The following CIDEB variants were observed in gnomAD, a reference collection of about 807,000 sequenced individuals.
CIDEB encodes cell death inducing DFFA like effector b.
Under a neutral mutation model 22.4 loss-of-function variants are expected in CIDEB, and 27 were observed. The ratio of observed to expected loss-of-function variants is 1.21; its 90% CI spans 0.89 to 1.66. The LOEUF is 1.66. Ranked by LOEUF, CIDEB falls within the 40% of genes most tolerant of loss-of-function variation. CIDEB has a pLI of 0.00. For missense variants in CIDEB, 289 were observed against 268.7 expected, an observed-to-expected ratio of 1.08 and a Z score of -0.53; for synonymous variants, 103 against 109.5, an observed-to-expected ratio of 0.94 and a Z score of 0.37.
At chr14:24,310,401 G>T, upstream of CIDEB, 1 of 635,046 alleles carries the variant, frequency 1.6e-6, no homozygotes, top group Non-Finnish European at 2.8e-6. Context: ...CTTTATGCCT[G>T]TTTACCACTG....
upstream of CIDEB, chr14:24,311,093 G>C: frequency 6.4e-7 from 1 of 1,563,024 alleles, no homozygotes; most frequent in Non-Finnish European, 8.6e-7. Context: ...GCCTGCTGCT[G>C]GCGGTCTGGC....
chr14:24,310,649 C>G (rs781566886), upstream of CIDEB: 8 of 1,613,992 alleles, frequency 5.0e-6, no homozygotes, highest in Middle Eastern at 1.7e-4. Flanking sequence ...TTCCACCCAC[C>G]TGTAGGCCCA....
chr14:24,305,754 C>A lies in CIDEB; in HGVS notation c.539G>T (p.Arg180Leu), dbSNP rs368449983. The A allele has an allele frequency of 1.9e-6, 3 of 1,613,186 alleles. No individual in the cohort carries two copies. The African/African-American group carries it at 4.0e-5, about 22-fold the overall frequency. ...GCCTTGCAGCAGTGTGGAGGTCCAA[C>A]GAAGGAGCTCCCTGAATGGCAGAGA... ...GPKKVLRELL[R>L]WTSTLLQGLG... is the part of the protein sequence containing the mutation. The change falls in exon 5 of 5, where the codon CGT becomes CTT. Residue 180 changes from arginine (R) to leucine (L), a missense_variant. By Grantham distance (102) the Arg-to-Leu change is moderately radical (BLOSUM62 -2). Transcript: ENST00000554411.
chr14:24,310,370 A>G, upstream of CIDEB: 2 of 609,322 alleles, frequency 3.3e-6, no homozygotes, highest in Non-Finnish European at 5.8e-6. Flanking sequence ...TGGTAGAGAT[A>G]GTGACAGCCT....
chr14:24,310,635 C>T (rs1472080245), upstream of CIDEB: 30 of 1,611,104 alleles, frequency 1.9e-5, no homozygotes, highest in Non-Finnish European at 2.3e-5. Flanking sequence ...CCCTCTGTGG[C>T]GCCTTCCACC....
At chr14:24,310,763 G>A (rs560159331), upstream of CIDEB, 39 of 1,609,384 alleles carry the variant, frequency 2.4e-5, no homozygotes, top group Non-Finnish European at 3.2e-5. Flanking sequence ...CGGCGCTGCT[G>A]GGGCTGCCTG....
At chr14:24,310,613 C>T (rs761381291), upstream of CIDEB, 6 of 1,587,696 alleles carry the variant, frequency 3.8e-6, no homozygotes, top group East Asian at 8.9e-5. Context: ...GGTTTTGCCC[C>T]ACCCCTGAAC....
At chr14:24,310,346 G>T, upstream of CIDEB, 1 of 605,018 alleles carries the variant, frequency 1.7e-6, no homozygotes, top group Middle Eastern at 4.4e-4. Context: ...GGAGGGGCCA[G>T]ACTAGAGGAG....
intron 2 of CIDEB, 68 bp from the exon 3 acceptor site, chr14:24,306,591 C>T: frequency 5.6e-6 from 9 of 1,599,754 alleles, no homozygotes; most frequent in Non-Finnish European, 7.7e-6. Context: ...AGCTGCCCAA[C>T]ATCCATCAGT....
At chr14:24,308,166 A>G, upstream of CIDEB, 2 of 419,560 alleles carry the variant, frequency 4.8e-6, no homozygotes, top group East Asian at 4.5e-5. Context: ...TAAAAGGATG[A>G]AATGTGACTT....
upstream of CIDEB, chr14:24,310,802 G>A (rs375042807): frequency 2.1e-5 from 34 of 1,602,834 alleles, no homozygotes; most frequent in African/African-American, 4.3e-4. Context: ...GGAGCTTGGC[G>A]GGCTGGCGGC....
chr14:24,310,268 G>A (rs2041645987), upstream of CIDEB: 1 of 555,384 alleles, frequency 1.8e-6, no homozygotes. Context: ...AAGTAGATCT[G>A]TGCACGTCCC....
chr14:24,306,059 AC>A lies in CIDEB; in HGVS notation c.414del (p.Tyr139ThrfsTer12). ...SKDIARFTFDVYKQNPRDLFG... is the reference protein window; with the variant it reads ...SKDIARFTFDXYKQNPRDLFG... ...AAGAGGTCTCGAGGGTTTTGCTTGT[AC>A]ACGTCAAAGGTGAATCGGGCGATGT... is the stretch of plus-strand genomic sequence containing the variant. On this transcript the variant is annotated frameshift_variant, in exon 4 of 5. Coordinates refer to ENST00000554411, the MANE Select transcript of CIDEB (RefSeq NM_001393339.1). LOFTEE classifies it high-confidence loss of function. The A allele has an allele frequency of 6.2e-7, 1 of 1,614,176 alleles. No individual in the cohort carries two copies. The highest frequency in any genetic ancestry group is 8.5e-7 in the Non-Finnish European group (1 of 1,180,030).
intron 3 of CIDEB, 68 bp downstream of exon 3, chr14:24,306,306 C>A: frequency 6.2e-7 from 1 of 1,601,652 alleles, no homozygotes; most frequent in Non-Finnish European, 8.5e-7. Flanking sequence ...CAGGGTTAAG[C>A]TAGAGAGGAA....
upstream of CIDEB, chr14:24,311,235 G>T (rs759195181): frequency 2.5e-6 from 4 of 1,608,604 alleles, no homozygotes; most frequent in Non-Finnish European, 3.4e-6. Context: ...GACCGCTTTC[G>T]TGCTTCCTTT....
In CIDEB at chr14:24,307,804, G is replaced by C; in HGVS notation, c.41+14C>G. On this transcript the variant is annotated intron_variant, in intron 1 of 4. Transcript: ENST00000554411. ...CCCTAAAGGTGGAGGGTAGAGCGGA[G>C]GGTTAGCAGTCACCTGAGTAAGTCA... 1 of 1,590,756 alleles carries C rather than the reference G, an allele frequency of 6.3e-7. No individual in the cohort carries two copies. Among genetic ancestry groups the C allele is most frequent in the Non-Finnish European group, 8.6e-7 (1 of 1,167,870 alleles).
upstream of CIDEB, chr14:24,310,297 G>A (rs2041647223): frequency 1.7e-6 from 1 of 585,674 alleles, no homozygotes; most frequent in South Asian, 2.1e-5. Flanking sequence ...CCACCATCCA[G>A]TTTTGCCCAG....
chr14:24,306,508 G>C lies in CIDEB; in HGVS notation c.202C>G (p.Leu68Val). 7 of 1,614,244 alleles carry C rather than the reference G, an allele frequency of 4.3e-6. No individual in the cohort carries two copies. The highest frequency in any genetic ancestry group is 5.9e-6 in the Non-Finnish European group (7 of 1,180,040). Residue 68 changes from leucine (L) to valine (V), a missense_variant, in exon 3 of 5, where the codon CTG becomes GTG. Coordinates refer to ENST00000554411, the MANE Select transcript of CIDEB (RefSeq NM_001393339.1). Reference sequence around the variant, plus strand: ...ACCAGGGTTAGCACTCCATTCAGCAGTAGGGTCTCCAATGCCTGCCCAATG... The same window carrying C: ...ACCAGGGTTAGCACTCCATTCAGCACTAGGGTCTCCAATGCCTGCCCAATG... ...ELLAKALETL[L>V]LNGVLTLVLE...
intron 2 of CIDEB, chr14:24,306,852 A>C (rs1229395524): frequency 2.6e-6 from 1 of 382,160 alleles, no homozygotes; most frequent in African/African-American, 2.0e-5. Context: ...GCTGCACCTC[A>C]CTTCCCACAC....
Sources: gnomAD v4.1 joint callset for allele counts on GRCh38, gnomAD v4.1.1 for gene constraint, MANE v1.5 for transcripts, NCBI Gene and HGNC (gene_info 2026-07-23, HGNC 2026-07-21) for gene names.